GPR158: variants seen among roughly 807,000 people sequenced by gnomAD.
GPR158 encodes the protein G protein-coupled receptor 158.
A neutral mutation model predicts 78.2 loss-of-function variants in GPR158; 30 were observed. The observed-to-expected ratio is 0.38, with a 90% CI of 0.29 to 0.52. The LOEUF (loss-of-function observed/expected upper bound fraction) is 0.52. Ranked by LOEUF, GPR158 falls within the 20% of genes least tolerant of loss-of-function variation. GPR158 has a pLI of 0.83. For missense variants in GPR158, 1,463 were observed against 1,523.5 expected (o/e 0.96, Z 0.66); for synonymous variants, 581 against 591.1 (o/e 0.98, Z 0.25).
At chr10:25,501,256 G>T (rs548688461) in intron 5 of GPR158, among the ~76,000 whole-genome samples, 2 of 152,214 alleles carry the variant, frequency 1.3e-5, no homozygotes, top group East Asian at 3.9e-4. Context: ...GCTGCACTGC[G>T]CAGTCTCACT....
intron 7 of GPR158, among the ~76,000 whole-genome samples, chr10:25,574,886 A>G (rs552932019): frequency 1.3e-5 from 2 of 152,156 alleles, no homozygotes; most frequent in South Asian, 4.2e-4. Flanking sequence ...CTTTGTCTCA[A>G]AGAAATAAAA....
At chr10:25,202,876 G>A (rs1248992232) in intron 1 of GPR158, among the ~76,000 whole-genome samples, 4 of 152,200 alleles carry the variant, frequency 2.6e-5, no homozygotes, top group Non-Finnish European at 4.4e-5. Flanking sequence ...CACCAACAGT[G>A]TAAAAGTGTC....
intron 2 of GPR158, among the ~76,000 whole-genome samples, chr10:25,249,295 C>T (rs908843654): frequency 6.8e-4 from 103 of 152,268 alleles, no homozygotes; most frequent in African/African-American, 2.3e-3. Context: ...TAATTGAATA[C>T]CCTTTATTTC....
At chr10:25,233,171 A>T (rs1311803503) in intron 2 of GPR158, among the ~76,000 whole-genome samples, 1 of 152,208 alleles carries the variant, frequency 6.6e-6, no homozygotes, top group East Asian at 1.9e-4. Flanking sequence ...TCCAGAAAGG[A>T]ATATCTTTAT....
chr10:25,248,976 C>A (rs1782963305), intron 2 of GPR158, among the ~76,000 whole-genome samples: 1 of 150,000 alleles, frequency 6.7e-6, no homozygotes, highest in Non-Finnish European at 1.5e-5. Context: ...TTGTTTGTAT[C>A]CTCTTTTATT....
At chr10:25,352,532 T>C (rs1855489814) in intron 2 of GPR158, among the ~76,000 whole-genome samples, 1 of 151,756 alleles carries the variant, frequency 6.6e-6, no homozygotes, top group Non-Finnish European at 1.5e-5. Flanking sequence ...AAGGCAGAGA[T>C]GACTTTTGCT....
At chr10:25,490,399 G>C (rs1006071488) in intron 5 of GPR158, among the ~76,000 whole-genome samples, 2 of 140,062 alleles carry the variant, frequency 1.4e-5, no homozygotes, top group Admixed American at 7.4e-5. Context: ...CCACTAACTC[G>C]TCATCTAGTA....
chr10:25,357,814 G>A (rs756709478), intron 2 of GPR158, among the ~76,000 whole-genome samples: 7 of 152,066 alleles, frequency 4.6e-5, no homozygotes, highest in Non-Finnish European at 8.8e-5. Flanking sequence ...GCACTGCCTA[G>A]AGGAGCTTTG....
At position 25,451,043 on chromosome 10, in the gene GPR158, T is replaced by C. The variant is rs1429071963; in HGVS notation, c.1336-15608T>C. On this transcript the variant is annotated intron_variant, in intron 4 of 10. Transcript: ENST00000376351. ...ATGGATGAACCATATGTTATACTGT[T>C]TCCTATTAATGGATATTCCAACTGT... Among the ~76,000 whole-genome samples, 4 of 152,372 alleles carry C rather than the reference T, an allele frequency of 2.6e-5. No homozygotes were observed. In the East Asian group the frequency reaches 7.7e-4, roughly 29 times the overall value.
chr10:25,587,545 T>C (rs554448384), intron 7 of GPR158, among the ~76,000 whole-genome samples: 1 of 152,320 alleles, frequency 6.6e-6, no homozygotes, highest in African/African-American at 2.4e-5. Context: ...GGTAATTCCA[T>C]GGACAGAAAT....
At chr10:25,501,221 C>T (rs1487554638) in intron 5 of GPR158, among the ~76,000 whole-genome samples, 1 of 152,116 alleles carries the variant, frequency 6.6e-6, no homozygotes, top group African/African-American at 2.4e-5. Context: ...TAGCACCAGA[C>T]AGCGTGGGGA....
chr10:25,328,240 A>G lies in GPR158; in HGVS notation c.1009-67671A>G, dbSNP rs189287781. Among the ~76,000 whole-genome samples, 506 of 152,332 alleles carry G rather than the reference A, an allele frequency of 3.3e-3. 3 individuals are homozygous for G. Among genetic ancestry groups the G allele is most frequent in the African/African-American group, 0.011 (467 of 41,586 alleles). ...TGCCAAGGAATCCTCACAATTTTCT[A>G]TCCTAGAACCCATCTGTGGCAACAA... is the stretch of plus-strand genomic sequence containing the variant. On this transcript the variant is annotated intron_variant, in intron 2 of 10. Coordinates refer to ENST00000376351, the MANE Select transcript of GPR158 (RefSeq NM_020752.3).
At chr10:25,545,517 G>A (rs1164601811) in intron 5 of GPR158, among the ~76,000 whole-genome samples, 5 of 152,180 alleles carry the variant, frequency 3.3e-5, no homozygotes, top group Non-Finnish European at 7.3e-5. Context: ...TTGGAAAAGT[G>A]TCTGTTCGTA....
At chr10:25,368,285 T>C (rs1833927134) in intron 2 of GPR158, among the ~76,000 whole-genome samples, 1 of 111,726 alleles carries the variant, frequency 9.0e-6, no homozygotes, top group Non-Finnish European at 1.8e-5. Context: ...TAAGACAGTA[T>C]TTTTTTTTAG....
At chr10:25,496,631 G>C (rs1564471388) in intron 5 of GPR158, among the ~76,000 whole-genome samples, 1 of 152,172 alleles carries the variant, frequency 6.6e-6, no homozygotes, top group Non-Finnish European at 1.5e-5. Flanking sequence ...TGCTGAAATA[G>C]CTGTCTAATT....
At chr10:25,515,893 G>A (rs2130675209) in intron 5 of GPR158, among the ~76,000 whole-genome samples, 1 of 151,080 alleles carries the variant, frequency 6.6e-6, no homozygotes, top group Non-Finnish European at 1.5e-5. Flanking sequence ...CCAGTAATGG[G>A]ATGGCTGGGT....
chr10:25,437,375 A>G (rs1835010611), intron 4 of GPR158, among the ~76,000 whole-genome samples: 1 of 144,216 alleles, frequency 6.9e-6, no homozygotes, highest in African/African-American at 2.6e-5. Context: ...ACAGGTGCAC[A>G]TCGCCAAGCC....
intron 4 of GPR158, among the ~76,000 whole-genome samples, chr10:25,424,132 GTGA>G (rs1339739261): frequency 6.6e-6 from 1 of 152,136 alleles, no homozygotes; most frequent in Non-Finnish European, 1.5e-5. Context: ...CTGATGGCCG[GTGA>G]TGATGAGCAT....
At chr10:25,496,839 T>C (rs1835887861) in intron 5 of GPR158, among the ~76,000 whole-genome samples, 1 of 152,060 alleles carries the variant, frequency 6.6e-6, no homozygotes, top group African/African-American at 2.4e-5. Flanking sequence ...CTTGTTGCAG[T>C]TGGGTAACAT....
Sources: gnomAD v4.1 joint callset for allele counts (sites outside exome capture counted in the v4.1 genomes callset) on GRCh38, gnomAD v4.1.1 for gene constraint, MANE v1.5 for transcripts, NCBI Gene and HGNC (gene_info 2026-07-23, HGNC 2026-07-21) for gene names.